The following KCNT2 variants were observed in gnomAD, a reference collection of about 807,000 sequenced individuals.
The protein encoded by KCNT2 is potassium channel subfamily T member 2.
Under a neutral mutation model 153.8 loss-of-function variants are expected in KCNT2, and 67 were observed. The observed-to-expected ratio is 0.44, with a 90% CI of 0.36 to 0.53. KCNT2 has a LOEUF of 0.53. Among genes scored for constraint, KCNT2 ranks in the 20% least tolerant of loss-of-function variants. KCNT2 has a pLI of 0.00. For synonymous variants in KCNT2, 500 were observed against 458.8 expected (o/e 1.09, Z -1.15); for missense variants, 975 against 1,354.8 (o/e 0.72, Z 4.40).
chr1:196,252,691 A>G (rs548399446), intron 26 of KCNT2, among the ~76,000 whole-genome samples: 1 of 151,618 alleles, frequency 6.6e-6, no homozygotes, highest in Admixed American at 6.6e-5. Context: ...TTTGGTCTAG[A>G]TCCATAATTC....
intron 1 of KCNT2, among the ~76,000 whole-genome samples, chr1:196,496,627 C>T (rs1422589938): frequency 6.6e-6 from 1 of 152,056 alleles, no homozygotes; most frequent in South Asian, 2.1e-4. Flanking sequence ...TAAATATGAG[C>T]TATACATACA....
intron 19 of KCNT2, among the ~76,000 whole-genome samples, chr1:196,323,893 C>T (rs2148058061): frequency 6.6e-6 from 1 of 150,966 alleles, no homozygotes; most frequent in South Asian, 2.1e-4. Context: ...AAGAAAGCCT[C>T]ATTTTTTTTG....
intron 16 of KCNT2, among the ~76,000 whole-genome samples, chr1:196,335,326 G>A (rs1199291027): frequency 6.6e-6 from 1 of 152,020 alleles, no homozygotes; most frequent in Non-Finnish European, 1.5e-5. Context: ...ACCTAGATGA[G>A]GTAGCCTACT....
At chr1:196,370,998 A>G (rs1297705216) in intron 14 of KCNT2, among the ~76,000 whole-genome samples, 1 of 152,048 alleles carries the variant, frequency 6.6e-6, no homozygotes, top group Non-Finnish European at 1.5e-5. Flanking sequence ...CACCCAAGTA[A>G]CCAACATGCA....
intron 8 of KCNT2, among the ~76,000 whole-genome samples, chr1:196,449,825 A>T (rs552337933): frequency 6.6e-6 from 1 of 151,836 alleles, no homozygotes; most frequent in East Asian, 2.0e-4. Flanking sequence ...AAAAAGAATA[A>T]AAAATGAAGA....
intron 23 of KCNT2, among the ~76,000 whole-genome samples, chr1:196,284,248 A>AAAAAATAT: frequency 1.2e-3 from 12 of 10,048 alleles, no homozygotes; most frequent in Admixed American, 2.9e-3. Flanking sequence ...AAAAAAAAAA[A>AAAAAATAT]ATATATATAT....
chr1:196,279,372 G>GA, intron 25 of KCNT2, among the ~76,000 whole-genome samples: 1 of 152,084 alleles, frequency 6.6e-6, no homozygotes, highest in African/African-American at 2.4e-5. Context: ...CACAGGAAAA[G>GA]AAAAACTCAG....
chr1:196,376,888 G>C (rs1022274305), intron 13 of KCNT2, among the ~76,000 whole-genome samples: 1 of 151,930 alleles, frequency 6.6e-6, no homozygotes, highest in African/African-American at 2.4e-5. Flanking sequence ...CGAAGATGTA[G>C]GTTATTAATA....
At chr1:196,530,202 A>G (rs1477721616) in intron 1 of KCNT2, among the ~76,000 whole-genome samples, 1 of 152,022 alleles carries the variant, frequency 6.6e-6, no homozygotes, top group Non-Finnish European at 1.5e-5. Flanking sequence ...CAATATAGAA[A>G]ATGTACAAAT....
At chr1:196,500,048 G>A (rs1680549400) in intron 1 of KCNT2, among the ~76,000 whole-genome samples, 1 of 151,894 alleles carries the variant, frequency 6.6e-6, no homozygotes, top group Non-Finnish European at 1.5e-5. Context: ...GGAGACAGAG[G>A]CAGAAGAATC....
intron 1 of KCNT2, among the ~76,000 whole-genome samples, chr1:196,516,415 G>A (rs1023866323): frequency 2.7e-5 from 4 of 147,086 alleles, no homozygotes; most frequent in Non-Finnish European, 6.1e-5. Flanking sequence ...TTCCCTGGGC[G>A]GAATCTCTCC....
At chr1:196,250,663 A>G (rs566198882) in intron 26 of KCNT2, among the ~76,000 whole-genome samples, 1 of 152,294 alleles carries the variant, frequency 6.6e-6, no homozygotes, top group African/African-American at 2.4e-5. Flanking sequence ...AGCAAAGGAA[A>G]CAAACAACAA....
At chr1:196,366,267 C>T (rs751115799) in intron 14 of KCNT2, among the ~76,000 whole-genome samples, 28 of 151,996 alleles carry the variant, frequency 1.8e-4, no homozygotes, top group Middle Eastern at 3.4e-3. Context: ...TCAAGGGATT[C>T]TCCTGCCTCA....
intron 1 of KCNT2, among the ~76,000 whole-genome samples, chr1:196,579,417 C>T (rs183297028): frequency 2.0e-5 from 3 of 152,090 alleles, no homozygotes; most frequent in African/African-American, 7.2e-5. Flanking sequence ...GTATGGCAAA[C>T]TCCCATGACA....
chr1:196,411,236 G>T (rs939388266), intron 12 of KCNT2, among the ~76,000 whole-genome samples: 5 of 150,846 alleles, frequency 3.3e-5, no homozygotes, highest in Non-Finnish European at 5.9e-5. Flanking sequence ...GACTATATGT[G>T]CATAGGTTTA....
chr1:196,397,441 C>T (rs966227981), intron 13 of KCNT2, among the ~76,000 whole-genome samples: 1 of 151,382 alleles, frequency 6.6e-6, no homozygotes, highest in Non-Finnish European at 1.5e-5. Flanking sequence ...ACAAAAGAGG[C>T]ACTGTTATTT....
intron 1 of KCNT2, among the ~76,000 whole-genome samples, chr1:196,568,171 T>C (rs1660330071): frequency 6.6e-6 from 1 of 152,106 alleles, no homozygotes; most frequent in African/African-American, 2.4e-5. Flanking sequence ...GAAAGACAAA[T>C]GGTGGTAGAG....
chr1:196,577,248 G>A (rs796918390), intron 1 of KCNT2, among the ~76,000 whole-genome samples: 8 of 152,030 alleles, frequency 5.3e-5, no homozygotes, highest in African/African-American at 9.6e-5. Flanking sequence ...GACAACATAC[G>A]CACACACAAA....
intron 14 of KCNT2, among the ~76,000 whole-genome samples, chr1:196,342,812 T>C (rs1386772118): frequency 1.3e-5 from 2 of 152,096 alleles, no homozygotes; most frequent in African/African-American, 2.4e-5. Flanking sequence ...AAAAGACACT[T>C]TTCTTATTTT....
Sources: gnomAD v4.1 joint callset for allele counts (sites outside exome capture counted in the v4.1 genomes callset) on GRCh38, gnomAD v4.1.1 for gene constraint, MANE v1.5 for transcripts, NCBI Gene and HGNC (gene_info 2026-07-23, HGNC 2026-07-21) for gene names.